Variants in CATSPERE observed in about 807,000 individuals in gnomAD.
CATSPERE encodes the protein catsper channel auxiliary subunit epsilon.
Under a neutral mutation model 114.1 loss-of-function variants are expected in CATSPERE, and 93 were observed. The ratio of observed to expected loss-of-function variants is 0.81; its 90% CI spans 0.69 to 0.97. The LOEUF is 0.97. Among genes scored for constraint, CATSPERE ranks in the 50% least tolerant of loss-of-function variants. The pLI, the probability that CATSPERE is intolerant of heterozygous loss-of-function variation, is 0.00. For missense variants in CATSPERE, 1,058 were observed against 1,131.6 expected (o/e 0.93, Z 0.93); for synonymous variants, 341 against 384.1 (o/e 0.89, Z 1.31).
At chr1:244,514,752 C>A (rs896467297) in intron 7 of CATSPERE, among the ~76,000 whole-genome samples, 21 of 150,880 alleles carry the variant, frequency 1.4e-4, no homozygotes, top group African/African-American at 4.9e-4. Context: ...TGGCATGAAC[C>A]CGGGAGGTGG....
At chr1:244,547,885 C>CA (rs1422594771) in intron 8 of CATSPERE, among the ~76,000 whole-genome samples, 1 of 152,164 alleles carries the variant, frequency 6.6e-6, no homozygotes, top group African/African-American at 2.4e-5. Flanking sequence ...AAATAAGACC[C>CA]AATTACAAGC....
chr1:244,518,499 A>C (rs1413112408), intron 7 of CATSPERE, 93 bp from the exon 8 acceptor site: 3 of 803,880 alleles, frequency 3.7e-6, no homozygotes, highest in Non-Finnish European at 4.1e-6. Flanking sequence ...GCAATGTCTT[A>C]ACGAAAATAA....
At chr1:244,569,304 T>G (rs1256197183) in intron 10 of CATSPERE, among the ~76,000 whole-genome samples, 3 of 152,200 alleles carry the variant, frequency 2.0e-5, no homozygotes, top group Admixed American at 1.3e-4. Context: ...AAACCTCAGT[T>G]GGAAATGCAG....
rs1674508171 is a variant in CATSPERE at position 244,504,383 on chromosome 1, T to A, written c.429+5304T>A. 6.6e-6 allele frequency among the ~76,000 whole-genome samples: 1 copy of A among 152,218 alleles called. No homozygotes were observed. The highest frequency in any genetic ancestry group is 1.5e-5 in the Non-Finnish European group (1 of 68,030). ...GAGTTCCTGTTTATCCCACACCTAG[T>A]TTTCTCTATTATTAATATCTTCCTG... On this transcript the variant is annotated intron_variant, in intron 7 of 21. Transcript: ENST00000366534. This position sits in a 1 kb window ranked among gnomAD's most constrained non-coding sequence, Gnocchi z 4.1.
intron 19 of CATSPERE, chr1:244,610,617 A>G: frequency 2.1e-6 from 1 of 468,094 alleles, no homozygotes; most frequent in South Asian, 2.1e-5. Context: ...GTCTTTGTAA[A>G]GACGACCTAG....
chr1:244,486,137 AG>A (rs1330457837), intron 5 of CATSPERE, among the ~76,000 whole-genome samples: 6 of 152,210 alleles, frequency 3.9e-5, no homozygotes, highest in Admixed American at 2.6e-4. Context: ...CTCAGAAAGC[AG>A]GGGGGAAATA....
chr1:244,491,517 A>C (rs1672163516), intron 6 of CATSPERE, among the ~76,000 whole-genome samples: 1 of 152,192 alleles, frequency 6.6e-6, no homozygotes, highest in South Asian at 2.1e-4. Flanking sequence ...CGACACCCTA[A>C]CGTCACAATT....
chr1:244,465,407 A>G (rs930055171), intron 2 of CATSPERE, among the ~76,000 whole-genome samples: 1 of 152,130 alleles, frequency 6.6e-6, no homozygotes, highest in Non-Finnish European at 1.5e-5. Context: ...TATATTTCTT[A>G]TATTTTTACC....
rs1363196656 is a variant in CATSPERE at position 244,640,019 on chromosome 1, A to T, written c.2794A>T (p.Ile932Phe). 3 of 1,550,170 alleles carry T rather than the reference A, an allele frequency of 1.9e-6. No homozygotes were observed. Among genetic ancestry groups the T allele is most frequent in the Non-Finnish European group, 2.6e-6 (3 of 1,146,454 alleles). ...TTTGAGCTACTTTCGGTACATGAGG[A>T]TTTATAGACGATATATTTATGAACC... is the stretch of plus-strand genomic sequence containing the variant. ...LVLSYFRYMR[I>F]YRRYIYEPLH... Residue 932 changes from isoleucine (I) to phenylalanine (F), a missense_variant, in exon 22 of 22, where the codon ATT becomes TTT. Coordinates refer to ENST00000366534, the MANE Select transcript of CATSPERE (RefSeq NM_001130957.2).
At chr1:244,541,325 C>T (rs1471523238) in intron 8 of CATSPERE, among the ~76,000 whole-genome samples, 2 of 148,978 alleles carry the variant, frequency 1.3e-5, no homozygotes, top group African/African-American at 4.9e-5. Context: ...AAACAAACAA[C>T]CCCATCAAAA....
intron 15 of CATSPERE, among the ~76,000 whole-genome samples, chr1:244,592,788 T>C (rs1572911831): frequency 6.6e-6 from 1 of 152,140 alleles, no homozygotes; most frequent in African/African-American, 2.4e-5. Context: ...GAATATGAAA[T>C]AGACTCTGTC....
chr1:244,552,044 A>G, intron 8 of CATSPERE, among the ~76,000 whole-genome samples: 1 of 138,990 alleles, frequency 7.2e-6, no homozygotes, highest in Admixed American at 7.4e-5. Context: ...AGCCTGGGCG[A>G]CAGAGAGACA....
chr1:244,468,627 G>C (rs1369841738), intron 2 of CATSPERE, among the ~76,000 whole-genome samples: 1 of 152,046 alleles, frequency 6.6e-6, no homozygotes, highest in Non-Finnish European at 1.5e-5. Context: ...GATATTAAGA[G>C]AAAGGAAGGG....
intron 9 of CATSPERE, among the ~76,000 whole-genome samples, chr1:244,558,133 T>G (rs1035532589): frequency 1.1e-4 from 8 of 71,800 alleles, no homozygotes; most frequent in Admixed American, 2.3e-4. Context: ...TTTCTCTCTC[T>G]CTCTCTTTTT....
chr1:244,495,232 C>G (rs544373144), intron 6 of CATSPERE, among the ~76,000 whole-genome samples: 1 of 152,070 alleles, frequency 6.6e-6, no homozygotes, highest in South Asian at 2.1e-4. Flanking sequence ...TGAATTAGAA[C>G]AGAATGTGAG....
chr1:244,478,952 C>T (rs916264534), intron 4 of CATSPERE, among the ~76,000 whole-genome samples: 10 of 133,616 alleles, frequency 7.5e-5, no homozygotes, highest in East Asian at 2.3e-4. Flanking sequence ...CGCTCGAACC[C>T]GGGAGGTGGA....
intron 10 of CATSPERE, among the ~76,000 whole-genome samples, chr1:244,569,813 A>G (rs1664173098): frequency 6.6e-6 from 1 of 152,160 alleles, no homozygotes; most frequent in Non-Finnish European, 1.5e-5. Context: ...CATTCCTCAC[A>G]TTAACCGGAT....
At chr1:244,554,880 C>T (rs890064144) in intron 9 of CATSPERE, among the ~76,000 whole-genome samples, 1 of 151,878 alleles carries the variant, frequency 6.6e-6, no homozygotes, top group Non-Finnish European at 1.5e-5. Context: ...AACACAAAAA[C>T]CCTCAAAAAA....
At chr1:244,619,185 G>A (rs749378668) in intron 20 of CATSPERE, among the ~76,000 whole-genome samples, 2 of 152,112 alleles carry the variant, frequency 1.3e-5, no homozygotes, top group Admixed American at 6.5e-5. Context: ...TTAACAATAC[G>A]GATGTGGGTA....
Sources: gnomAD v4.1 joint callset for allele counts (sites outside exome capture counted in the v4.1 genomes callset) on GRCh38, gnomAD v4.1.1 for gene constraint, Gnocchi (gnomAD v3.1) non-coding constraint, MANE v1.5 for transcripts, NCBI Gene and HGNC (gene_info 2026-07-23, HGNC 2026-07-21) for gene names.